Variants in FBXL17 observed in about 807,000 individuals in gnomAD.
The protein encoded by FBXL17 is F-box and leucine rich repeat protein 17, also known as F-box/LRR-repeat protein 17.
FBXL17 carries 22 observed loss-of-function variants against 66.2 expected under a neutral mutation model. That is an observed-to-expected ratio of 0.33 (90% CI 0.24 to 0.47). The LOEUF is 0.47. FBXL17 is among the 20% of genes least tolerant of loss of function. The pLI is 1.00. For synonymous variants in FBXL17, 474 were observed against 400.5 expected (o/e 1.18, Z -2.19); for missense variants, 878 against 948.2 (o/e 0.93, Z 0.97).
At chr5:108,106,014 T>C (rs1749781578) in intron 6 of FBXL17, among the ~76,000 whole-genome samples, 1 of 152,104 alleles carries the variant, frequency 6.6e-6, no homozygotes, top group Non-Finnish European at 1.5e-5. Context: ...CTATTTTAAA[T>C]AGGGGGAAAC....
At chr5:108,312,724 G>A (rs576018727) in intron 4 of FBXL17, among the ~76,000 whole-genome samples, 111 of 152,036 alleles carry the variant, frequency 7.3e-4, no homozygotes, top group Non-Finnish European at 1.1e-3. Flanking sequence ...AAAGAAATGA[G>A]TCTCACTCTA....
chr5:108,063,088 C>T (rs1330377040), intron 6 of FBXL17, among the ~76,000 whole-genome samples: 2 of 152,042 alleles, frequency 1.3e-5, no homozygotes, highest in East Asian at 3.9e-4. Flanking sequence ...TCACTTATGT[C>T]AAGAAGTAGT....
chr5:108,064,439 C>T (rs1213026692), intron 6 of FBXL17, among the ~76,000 whole-genome samples: 1 of 152,098 alleles, frequency 6.6e-6, no homozygotes, highest in Non-Finnish European at 1.5e-5. Flanking sequence ...CATGTATATT[C>T]ATCCCTGCTA....
intron 7 of FBXL17, among the ~76,000 whole-genome samples, chr5:107,884,023 G>T (rs998989283): frequency 6.6e-6 from 1 of 152,198 alleles, no homozygotes; most frequent in Non-Finnish European, 1.5e-5. Context: ...GTACAAGAAA[G>T]TGGGAAGACT....
intron 5 of FBXL17, among the ~76,000 whole-genome samples, chr5:108,207,237 C>A (rs1052305908): frequency 2.0e-5 from 3 of 152,094 alleles, no homozygotes; most frequent in Non-Finnish European, 4.4e-5. Context: ...GGGACTCTCT[C>A]CTTAATTTGC....
At chr5:108,223,266 C>T (rs969511227) in intron 5 of FBXL17, among the ~76,000 whole-genome samples, 7 of 152,104 alleles carry the variant, frequency 4.6e-5, no homozygotes, top group African/African-American at 1.7e-4. Context: ...GATCTGAAGA[C>T]ATCAAACTGA....
At position 108,105,900 on chromosome 5, in the gene FBXL17, G is replaced by A. The variant is rs186767297; in HGVS notation, c.1745+80217C>T. 4.7e-4 allele frequency among the ~76,000 whole-genome samples: 71 copies of A among 152,286 alleles called. 1 individual carries two copies. In the South Asian group the frequency reaches 0.013, roughly 27 times the overall value. Reference sequence around the variant, plus strand: ...TTAAGAAATATGCATCAAAGAGAGAGTAAAACGGAGGGAGACTGAAAAGGA... The same window carrying A: ...TTAAGAAATATGCATCAAAGAGAGAATAAAACGGAGGGAGACTGAAAAGGA... On this transcript the variant is annotated intron_variant, in intron 6 of 8. Transcript: ENST00000542267.
chr5:108,166,746 G>C (rs1752430984), intron 6 of FBXL17, among the ~76,000 whole-genome samples: 1 of 152,058 alleles, frequency 6.6e-6, no homozygotes. Context: ...TTGATTCTTG[G>C]AATACATCAA....
chr5:108,206,404 T>G (rs1352058605), intron 5 of FBXL17, among the ~76,000 whole-genome samples: 3 of 152,180 alleles, frequency 2.0e-5, no homozygotes, highest in Non-Finnish European at 4.4e-5. Flanking sequence ...TACCAAAGAC[T>G]GCACATACAT....
intron 7 of FBXL17, among the ~76,000 whole-genome samples, chr5:107,985,556 C>A (rs544217847): frequency 6.6e-6 from 1 of 152,138 alleles, no homozygotes. Context: ...TTAAATTAGT[C>A]TCTTGTTTAC....
chr5:108,040,136 G>T (rs1233696629), intron 6 of FBXL17, among the ~76,000 whole-genome samples: 1 of 151,928 alleles, frequency 6.6e-6, no homozygotes, highest in Non-Finnish European at 1.5e-5. Flanking sequence ...AAATGCTGTG[G>T]GCATTTTTGC....
intron 5 of FBXL17, among the ~76,000 whole-genome samples, chr5:108,194,664 T>C (rs1753607191): frequency 6.6e-6 from 1 of 152,206 alleles, no homozygotes; most frequent in South Asian, 2.1e-4. Flanking sequence ...ATCTTAATGC[T>C]TGGCCTAATC....
rs1479023425 is a variant in FBXL17, at chr5:108,031,500, T to C, written c.1746-10499A>G. On this transcript the variant is annotated intron_variant, in intron 6 of 8. Coordinates refer to ENST00000542267, the MANE Select transcript of FBXL17 (RefSeq NM_001163315.3). ...AATTTATGCATAATATCATAGGAGT[T>C]AAAAAAATCAGATGTTCAAAAGAAG... Among the ~76,000 whole-genome samples, 5 of 151,912 alleles carry C rather than the reference T, an allele frequency of 3.3e-5. No individual in the cohort carries two copies. The East Asian group carries it at 9.6e-4, about 29-fold the overall frequency.
chr5:107,871,073 A>C (rs987750225), intron 8 of FBXL17, among the ~76,000 whole-genome samples: 2 of 150,768 alleles, frequency 1.3e-5, no homozygotes, highest in Admixed American at 6.6e-5. Flanking sequence ...AAAAAAAAAA[A>C]AAAAAACCTC....
chr5:108,047,018 GGTGGGGCCAA>G (rs747963610), intron 6 of FBXL17, among the ~76,000 whole-genome samples: 45 of 152,124 alleles, frequency 3.0e-4, no homozygotes, highest in Non-Finnish European at 5.7e-4. Flanking sequence ...TCTTGGATTG[GGTGGGGCCAA>G]GATGGCCAAC....
chr5:108,178,296 C>T (rs551164009), intron 6 of FBXL17, among the ~76,000 whole-genome samples: 34 of 152,172 alleles, frequency 2.2e-4, no homozygotes, highest in Middle Eastern at 3.4e-3. Flanking sequence ...AGTCCACCCT[C>T]CTTGGCCTCC....
intron 6 of FBXL17, among the ~76,000 whole-genome samples, chr5:108,029,850 T>C (rs917466671): frequency 2.0e-5 from 3 of 152,048 alleles, no homozygotes; most frequent in Admixed American, 2.0e-4. Flanking sequence ...GCTATAGGAT[T>C]AGAATTCGAG....
rs374996236 is a variant in FBXL17 at position 108,144,292 on chromosome 5, T to C, written c.1745+41825A>G. On this transcript the variant is annotated intron_variant, in intron 6 of 8. Coordinates refer to ENST00000542267, the MANE Select transcript of FBXL17 (RefSeq NM_001163315.3). ...CTTAAAAGTTGCTGAAAAAACCAAT[T>C]CTATATGAACCCAAAATGATATGAT... Among the ~76,000 whole-genome samples the C allele has an allele frequency of 2.5e-4, 38 of 152,218 alleles. No individual in the cohort carries two copies. The South Asian group carries it at 7.7e-3, about 31-fold the overall frequency.
At chr5:108,233,868 G>C (rs1345602403) in intron 4 of FBXL17, among the ~76,000 whole-genome samples, 1 of 152,138 alleles carries the variant, frequency 6.6e-6, no homozygotes, top group African/African-American at 2.4e-5. Flanking sequence ...CAGATACCCA[G>C]GGTGCAAAAG....
Sources: gnomAD v4.1 joint callset for allele counts (sites outside exome capture counted in the v4.1 genomes callset) on GRCh38, gnomAD v4.1.1 for gene constraint, MANE v1.5 for transcripts, NCBI Gene and HGNC (gene_info 2026-07-23, HGNC 2026-07-21) for gene names.